CHCHD4: variants seen among roughly 807,000 people sequenced by gnomAD.
CHCHD4 encodes coiled-coil-helix-coiled-coil-helix domain containing 4, also known as mitochondrial intermembrane space import and assembly protein 40.
A neutral mutation model predicts 12.4 loss-of-function variants in CHCHD4; 7 were observed. That is an observed-to-expected ratio of 0.57 (90% CI 0.32 to 1.06). The LOEUF is 1.06. CHCHD4 is among the 50% of genes least tolerant of loss of function. The probability of loss-of-function intolerance (pLI) is 0.04; values close to 1 mark genes in which losing one functional copy is unlikely to be tolerated. For missense variants in CHCHD4, 143 were observed against 175.1 expected, an observed-to-expected ratio of 0.82 and a Z score of 1.03; for synonymous variants, 56 against 58.0, an observed-to-expected ratio of 0.97 and a Z score of 0.16.
chr3:14,116,168 T>A (rs1574930925), intron 2 of CHCHD4, among the ~76,000 whole-genome samples: 1 of 152,222 alleles, frequency 6.6e-6, no homozygotes, highest in South Asian at 2.1e-4. Context: ...TTAACCTACC[T>A]ATAACTGCTG....
At chr3:14,115,251 C>T (rs1337412345) in intron 2 of CHCHD4, among the ~76,000 whole-genome samples, 1 of 151,688 alleles carries the variant, frequency 6.6e-6, no homozygotes, top group Admixed American at 6.6e-5. Flanking sequence ...AGATACATTG[C>T]AAGTGACAGA....
At chr3:14,124,583 CG>C in intron 1 of CHCHD4, 71 bp downstream of exon 1, 1 of 1,389,524 alleles carries the variant, frequency 7.2e-7, no homozygotes, top group Non-Finnish European at 9.4e-7. Flanking sequence ...GGCGTGGTCG[CG>C]GGGCGCCGGG....
chr3:14,124,743 C>A lies in CHCHD4; in HGVS notation c.-67G>T, dbSNP rs995011791. 55 of 1,476,230 alleles carry A rather than the reference C, an allele frequency of 3.7e-5. No individual in the cohort carries two copies. The highest frequency in any genetic ancestry group is 4.6e-5 in the Non-Finnish European group (51 of 1,106,438). 91.4% of individuals were successfully genotyped at this position (1,476,230 alleles called of 1,614,324 possible). The stretch of plus-strand genomic sequence containing the variant: ...CGGCAGCTGCACCTTTACGCCGTGA[C>A]CTCCCTCTCCTCTGGCAGGGCGGGC... On this transcript the variant is annotated 5_prime_UTR_variant, in exon 1 of 3. Coordinates refer to ENST00000396914, the MANE Select transcript of CHCHD4 (RefSeq NM_001098502.2).
intron 1 of CHCHD4, among the ~76,000 whole-genome samples, chr3:14,118,883 T>C (rs999993741): frequency 9.9e-5 from 15 of 152,180 alleles, no homozygotes; most frequent in African/African-American, 3.6e-4. Flanking sequence ...AGATGGCAGC[T>C]CAGCGCAGCC....
chr3:14,124,799 C>T lies in CHCHD4; in HGVS notation c.-123G>A. On this transcript the variant is annotated 5_prime_UTR_variant, in exon 1 of 3. Transcript: ENST00000396914. ...CGAAGCCCGCGCGGACCCGCCCCCTCCCAGGCCTGCCCGCCGCGCGCCTGC... is the reference window on the plus strand; with the variant it reads ...CGAAGCCCGCGCGGACCCGCCCCCTTCCAGGCCTGCCCGCCGCGCGCCTGC... 2 of 1,156,768 alleles carry T rather than the reference C, an allele frequency of 1.7e-6. No individual in the cohort carries two copies. The highest frequency in any genetic ancestry group is 2.4e-6 in the Non-Finnish European group (2 of 842,068). 71.7% of individuals were successfully genotyped at this position (1,156,768 alleles called of 1,614,324 possible). A position where few individuals can be genotyped will look rare whatever the true frequency, so the allele number is the denominator to read the frequency against.
At chr3:14,121,966 C>A (rs138339449) in intron 1 of CHCHD4, 6 of 1,613,914 alleles carry the variant, frequency 3.7e-6, no homozygotes, top group Non-Finnish European at 5.1e-6. Context: ...CAGATGAATA[C>A]GACACAGGCA....
At position 14,124,713 on chromosome 3, in the gene CHCHD4, G is replaced by A. The variant is rs777012368; in HGVS notation, c.-37C>T. 8.6e-6 allele frequency: 13 copies of A among 1,515,720 alleles called. No homozygotes were observed. The South Asian group carries it at 9.9e-5, about 12-fold the overall frequency. The allele number at this position is 1,515,720 out of a possible 1,614,324, so 93.9% of individuals were successfully genotyped here. A position where few individuals can be genotyped will look rare whatever the true frequency, so the allele number is the denominator to read the frequency against. On this transcript the variant is annotated 5_prime_UTR_variant, in exon 1 of 3. Coordinates refer to ENST00000396914, the MANE Select transcript of CHCHD4 (RefSeq NM_001098502.2). The stretch of plus-strand genomic sequence containing the variant: ...GTCCCTGAGACCTTGCAGAAGCGGC[G>A]GTGGCGGCAGCTGCACCTTTACGCC...
intron 1 of CHCHD4, chr3:14,119,026 A>C (rs1294098731): frequency 6.6e-6 from 1 of 152,330 alleles, no homozygotes; most frequent in East Asian, 1.9e-4. Context: ...GCTCTCTGCC[A>C]TGTCCATGTA....
chr3:14,112,973 C>A lies in CHCHD4; in HGVS notation c.343G>T (p.Glu115Ter), dbSNP rs999799981. 6.2e-7 allele frequency: 1 copy of A among 1,613,254 alleles called. No homozygotes were observed. Among genetic ancestry groups the A allele is most frequent in the Admixed American group, 1.7e-5 (1 of 59,882 alleles). The change falls in exon 3 of 3, where the codon GAA becomes TAA. Residue 115 changes from glutamate (E) to a stop codon, truncating the protein, a stop_gained. Transcript: ENST00000396914. LOFTEE classifies it low-confidence loss of function (END_TRUNC). ...YPQEDEDEEE[E>*]REKKPAEQAE... ...TGTTCTGCTGGCTTCTTCTCTCTTT[C>A]CTCTTCCTCATCCTCATCCTCTTGG...
In CHCHD4 at chr3:14,112,785, T is replaced by C; in HGVS notation, c.*102A>G. On this transcript the variant is annotated 3_prime_UTR_variant, in exon 3 of 3. Transcript: ENST00000396914. ...AAATAAGTTATTTTGTATATTATAA[T>C]GCACAGGACAACAGAAGGAAACTTT... is the stretch of plus-strand genomic sequence containing the variant. 1.9e-6 allele frequency: 2 copies of C among 1,049,936 alleles called. No homozygotes were observed. The highest frequency in any genetic ancestry group is 2.8e-6 in the Non-Finnish European group (2 of 727,138). 65.0% of individuals were successfully genotyped at this position (1,049,936 alleles called of 1,614,324 possible).
intron 1 of CHCHD4, among the ~76,000 whole-genome samples, chr3:14,121,365 C>G (rs116501880): frequency 0.022 from 3,344 of 152,242 alleles, 121 homozygotes; most frequent in African/African-American, 0.076. Flanking sequence ...TCACCCAGTC[C>G]CAGCAGAAAG....
rs907717627 is a variant in CHCHD4, at chr3:14,112,788, A to C, written c.*99T>G. The C allele has an allele frequency of 9.2e-7, 1 of 1,089,976 alleles. No homozygotes were observed. Among genetic ancestry groups the C allele is most frequent in the African/African-American group, 1.6e-5 (1 of 63,252 alleles). 67.5% of individuals were successfully genotyped at this position (1,089,976 alleles called of 1,614,324 possible). On this transcript the variant is annotated 3_prime_UTR_variant, in exon 3 of 3. Coordinates refer to ENST00000396914, the MANE Select transcript of CHCHD4 (RefSeq NM_001098502.2). The stretch of plus-strand genomic sequence containing the variant: ...TAAGTTATTTTGTATATTATAATGC[A>C]CAGGACAACAGAAGGAAACTTTCTT...
rs549156988 is a variant in CHCHD4, at chr3:14,118,164, G to C, written c.23-1640C>G. On this transcript the variant is annotated intron_variant, in intron 1 of 2. Coordinates refer to ENST00000396914, the MANE Select transcript of CHCHD4 (RefSeq NM_001098502.2). ...GGGACCCTCATCTGGAAGGGGATAGGAGGTGCCAAGCATTTAAGAAGACTT... is the reference window on the plus strand; with the variant it reads ...GGGACCCTCATCTGGAAGGGGATAGCAGGTGCCAAGCATTTAAGAAGACTT... Among the ~76,000 whole-genome samples the C allele has an allele frequency of 7.9e-4, 121 of 152,318 alleles. 2 individuals are homozygous for C. In the South Asian group the frequency reaches 9.3e-3, roughly 12 times the overall value.
rs1322428944 is a variant in CHCHD4 at position 14,112,709 on chromosome 3, T to C, written c.*178A>G. The C allele has an allele frequency of 5.1e-6, 3 of 586,278 alleles. No homozygotes were observed. In the East Asian group the frequency reaches 8.5e-5, roughly 17 times the overall value. 36.3% of individuals were successfully genotyped at this position (586,278 alleles called of 1,614,324 possible). ...GACACACATACATACAACCCCCATT[T>C]TTTTCAGTGTATATGTCAAGATGTC... On this transcript the variant is annotated 3_prime_UTR_variant, in exon 3 of 3. Coordinates refer to ENST00000396914, the MANE Select transcript of CHCHD4 (RefSeq NM_001098502.2).
intron 1 of CHCHD4, chr3:14,121,862 C>T: frequency 6.2e-7 from 1 of 1,613,684 alleles, no homozygotes; most frequent in Non-Finnish European, 8.5e-7. Context: ...ACACAAATGG[C>T]TTTCAGACAG....
chr3:14,113,292 A>G, intron 2 of CHCHD4, 98 bp from the exon 3 acceptor site: 2 of 974,104 alleles, frequency 2.1e-6, no homozygotes, highest in Non-Finnish European at 1.5e-6. Context: ...AACAGGAACT[A>G]TTGTTGCCTA....
At position 14,112,540 on chromosome 3, in the gene CHCHD4, T is replaced by C. The variant is rs1366367033; in HGVS notation, c.*347A>G. On this transcript the variant is annotated 3_prime_UTR_variant, in exon 3 of 3. Transcript: ENST00000396914. ...ATAAAATCTACCAAAAGGAATATAA[T>C]GAATCAGAATAAATCAGCTCACTCA... The C allele has an allele frequency of 5.0e-6, 1 of 199,590 alleles. No homozygotes were observed. The highest frequency in any genetic ancestry group is 1.0e-5 in the Non-Finnish European group (1 of 98,590). The allele number at this position is 199,590 out of a possible 1,614,324, so 12.4% of individuals were successfully genotyped here.
intron 2 of CHCHD4, among the ~76,000 whole-genome samples, chr3:14,115,985 A>G (rs962947143): frequency 2.6e-5 from 4 of 152,210 alleles, no homozygotes; most frequent in African/African-American, 9.6e-5. Context: ...GCTGCTAGAA[A>G]GCTGTCTGTG....
intron 2 of CHCHD4, among the ~76,000 whole-genome samples, chr3:14,113,980 CTTCA>C (rs1694849185): frequency 6.6e-6 from 1 of 152,164 alleles, no homozygotes; most frequent in Non-Finnish European, 1.5e-5. Context: ...AAAACGATGG[CTTCA>C]TTTTCAGCTT....
Sources: gnomAD v4.1 joint callset for allele counts (sites outside exome capture counted in the v4.1 genomes callset) on GRCh38, gnomAD v4.1.1 for gene constraint, MANE v1.5 for transcripts, NCBI Gene and HGNC (gene_info 2026-07-23, HGNC 2026-07-21) for gene names.